MYOT: variants seen among roughly 807,000 people sequenced by gnomAD.
The protein encoded by MYOT is myotilin.
In MYOT, 36 loss-of-function variants were observed where a neutral mutation model predicts 58.0. That is an observed-to-expected ratio of 0.62 (90% CI 0.48 to 0.82). The LOEUF (loss-of-function observed/expected upper bound fraction) is 0.82, where lower values mean the gene tolerates loss of function less well. Among genes scored for constraint, MYOT ranks in the 40% least tolerant of loss-of-function variants. The pLI, the probability that MYOT is intolerant of heterozygous loss-of-function variation, is 0.00. For missense variants in MYOT, 505 were observed against 592.1 expected, an observed-to-expected ratio of 0.85 and a Z score of 1.53; for synonymous variants, 218 against 204.6, an observed-to-expected ratio of 1.07 and a Z score of -0.56.
chr5:137,881,131 T>C (rs1755416536), intron 5 of MYOT, among the ~76,000 whole-genome samples: 1 of 152,228 alleles, frequency 6.6e-6, no homozygotes, highest in African/African-American at 2.4e-5. Flanking sequence ...GACCTAATTC[T>C]TATTATACAA....
At position 137,883,336 on chromosome 5, in the gene MYOT, G is replaced by A. The variant is rs769061014; in HGVS notation, c.817-48G>A. On this transcript the variant is annotated intron_variant, in intron 6 of 9. Coordinates refer to ENST00000239926, the MANE Select transcript of MYOT (RefSeq NM_006790.3). ...CATATATGGACAAATAGGTTTCAGTGATGCAATACTTTAAAATTCTGCCAT... is the reference window on the plus strand; with the variant it reads ...CATATATGGACAAATAGGTTTCAGTAATGCAATACTTTAAAATTCTGCCAT... The A allele has an allele frequency of 2.0e-4, 300 of 1,472,298 alleles. 5 individuals are homozygous for A. In the South Asian group the frequency reaches 3.3e-3, roughly 16 times the overall value. The allele number at this position is 1,472,298 out of a possible 1,614,324, so 91.2% of individuals were successfully genotyped here.
chr5:137,884,025 T>C (rs1344961151), intron 7 of MYOT, among the ~76,000 whole-genome samples: 1 of 152,160 alleles, frequency 6.6e-6, no homozygotes, highest in Non-Finnish European at 1.5e-5. Flanking sequence ...ATTATCATAA[T>C]CTGTCAAACG....
In MYOT at chr5:137,887,218, C is replaced by G; in HGVS notation, c.1330C>G (p.Pro444Ala). 2 of 1,614,002 alleles carry G rather than the reference C, an allele frequency of 1.2e-6. No homozygotes were observed. Among genetic ancestry groups the G allele is most frequent in the Non-Finnish European group, 1.7e-6 (2 of 1,179,974 alleles). The change falls in exon 10 of 10, where the codon CCA becomes GCA. Residue 444 changes from proline (P) to alanine (A), a missense_variant. Coordinates refer to ENST00000239926, the MANE Select transcript of MYOT (RefSeq NM_006790.3). ...TTTTATGTGATCTATTTCAGCACGT[C>G]CAAACCAAACTCTTCCAGCTCCTAA... The part of the protein sequence containing the change: ...CNTRLDVTAR[P>A]NQTLPAPKQL...
At chr5:137,880,727 G>C in intron 4 of MYOT, 89 bp from the exon 5 acceptor site, 2 of 1,112,078 alleles carry the variant, frequency 1.8e-6, no homozygotes, top group Non-Finnish European at 2.7e-6. Context: ...GCCAAAATAG[G>C]AATGTTCCTT....
At position 137,870,794 on chromosome 5, in the gene MYOT, C is replaced by G; in HGVS notation, c.143C>G (p.Thr48Arg). The change falls in exon 2 of 10, where the codon ACA becomes AGA. Residue 48 changes from threonine (T) to arginine (R), a missense_variant. Coordinates refer to ENST00000239926, the MANE Select transcript of MYOT (RefSeq NM_006790.3). ...SSIIIQPRQC[T>R]EQRFSASSTL... is the part of the protein sequence containing the mutation. ...ATTATCATCCAGCCCCGCCAGTGTA[C>G]AGAGCAAAGATTTTCTGCCTCCTCA... 2 of 1,614,176 alleles carry G rather than the reference C, an allele frequency of 1.2e-6. No homozygotes were observed. The highest frequency in any genetic ancestry group is 2.2e-5 in the South Asian group (2 of 91,086).
At chr5:137,885,468 T>C (rs539566558) in intron 7 of MYOT, among the ~76,000 whole-genome samples, 2 of 152,200 alleles carry the variant, frequency 1.3e-5, no homozygotes, top group African/African-American at 4.8e-5. Context: ...GATGAGATGA[T>C]AAAGAATATA....
intron 7 of MYOT, among the ~76,000 whole-genome samples, chr5:137,885,687 C>T (rs1755573144): frequency 6.8e-6 from 1 of 146,402 alleles, no homozygotes; most frequent in African/African-American, 2.5e-5. Context: ...CAGGAGACTT[C>T]CTTGAACCTG....
chr5:137,885,079 G>A (rs538696484), intron 7 of MYOT, among the ~76,000 whole-genome samples: 1 of 152,204 alleles, frequency 6.6e-6, no homozygotes, highest in Non-Finnish European at 1.5e-5. Context: ...CAATAGTAGA[G>A]CTGAAAGAGA....
Position 137,881,991 on chromosome 5 carries a change from G to C in MYOT, c.702G>C (p.Arg234Ser). Reference sequence around the variant, plus strand: ...CTTGTAGAAGTAGATCAACCTCAAGGGGAGATGTGAATGATCAGGATGCAA... The same window carrying C: ...CTTGTAGAAGTAGATCAACCTCAAGCGGAGATGTGAATGATCAGGATGCAA... Reference protein sequence around the residue: ...TSQVRSRSTSRGDVNDQDAIQ... With the variant: ...TSQVRSRSTSSGDVNDQDAIQ... The change falls in exon 6 of 10, where the codon AGG becomes AGC. Residue 234 changes from arginine (R) to serine (S), a missense_variant. Arg to Ser is a moderately radical substitution (Grantham distance 110). Transcript: ENST00000239926. The C allele has an allele frequency of 3.1e-6, 5 of 1,614,004 alleles. No individual in the cohort carries two copies. The South Asian group carries it at 4.4e-5, about 14-fold the overall frequency.
chr5:137,871,062 C>A (rs1046568782), intron 2 of MYOT, 55 bp downstream of exon 2: 4 of 1,483,570 alleles, frequency 2.7e-6, no homozygotes, highest in Non-Finnish European at 3.7e-6. Flanking sequence ...GAGGAGTTTG[C>A]GAGGGGGTAG....
chr5:137,876,095 A>G (rs887339515), intron 3 of MYOT, 92 bp downstream of exon 3: 30 of 1,290,756 alleles, frequency 2.3e-5, no homozygotes, highest in East Asian at 1.9e-4. Context: ...CTAGGTCCAT[A>G]TATCAACAAG....
At chr5:137,882,675 A>AATCCCAGT (rs1755475041) in intron 6 of MYOT, 1 of 162,740 alleles carries the variant, frequency 6.1e-6, no homozygotes, top group Non-Finnish European at 1.3e-5. Flanking sequence ...CTGGGATTAC[A>AATCCCAGT]GGCGTGAGCC....
intron 1 of MYOT, 37 bp from the exon 2 acceptor site, chr5:137,870,404 A>C: frequency 1.7e-6 from 1 of 583,170 alleles, no homozygotes; most frequent in Non-Finnish European, 3.1e-6. Flanking sequence ...GTTATTGTTT[A>C]AGCAAATATT....
chr5:137,878,590 C>A (rs1002029155), intron 4 of MYOT, among the ~76,000 whole-genome samples: 23 of 151,714 alleles, frequency 1.5e-4, no homozygotes, highest in Non-Finnish European at 2.6e-4. Context: ...TTTGGGAGGC[C>A]GAGGTGGGTG....
rs150293853 is a variant in MYOT at position 137,877,521 on chromosome 5, G to A, written c.533G>A (p.Arg178His). 264 of 1,605,466 alleles carry A rather than the reference G, an allele frequency of 1.6e-4. 1 individual carries two copies. The Middle Eastern group carries it at 2.3e-3, about 14-fold the overall frequency. ...ACTGTCTCAATAAATTCTCTAAAGC[G>A]TCTAACATATGAAGAGAAGATGGCT... ...KDTLLHNGNQRLTYEEKMARR... is the reference protein window; with the variant it reads ...KDTLLHNGNQHLTYEEKMARR... Residue 178 changes from arginine (R) to histidine (H), a missense_variant and splice_region_variant, in exon 4 of 10, where the codon CGT becomes CAT. Coordinates refer to ENST00000239926, the MANE Select transcript of MYOT (RefSeq NM_006790.3).
At chr5:137,883,330 T>C in intron 6 of MYOT, 54 bp from the exon 7 acceptor site, 1 of 1,438,388 alleles carries the variant, frequency 7.0e-7, no homozygotes, top group Non-Finnish European at 9.8e-7. Flanking sequence ...ACAAATAGGT[T>C]TCAGTGATGC....
intron 3 of MYOT, 22 bp downstream of exon 3, chr5:137,876,025 T>C (rs747520889): frequency 2.5e-6 from 4 of 1,612,526 alleles, no homozygotes; most frequent in Middle Eastern, 1.7e-4. Context: ...GTCTATTTTG[T>C]ACAAAAGGCC....
In MYOT at chr5:137,887,336, T is replaced by C; in HGVS notation, c.1448T>C (p.Phe483Ser). The change falls in exon 10 of 10, where the codon TTT (phenylalanine) becomes TCT (serine). Residue 483 changes from phenylalanine (F) to serine (S), a missense_variant. Phe to Ser is a radical substitution (Grantham distance 155). Transcript: ENST00000239926. ...CAAGCTTTTAACCCAGAAGGAGAAT[T>C]TCAGCGTTTGGCAGCTCAATCTGGA... is the stretch of plus-strand genomic sequence containing the variant. ...VKQAFNPEGE[F>S]QRLAAQSGLY... The C allele has an allele frequency of 6.2e-7, 1 of 1,614,022 alleles. No individual in the cohort carries two copies. Among genetic ancestry groups the C allele is most frequent in the Non-Finnish European group, 8.5e-7 (1 of 1,179,952 alleles).
Position 137,886,210 on chromosome 5 carries a change from T to G in MYOT, c.1187T>G (p.Ile396Arg). 1 of 1,605,642 alleles carries G rather than the reference T, an allele frequency of 6.2e-7. No individual in the cohort carries two copies. Among genetic ancestry groups the G allele is most frequent in the South Asian group, 1.1e-5 (1 of 90,526 alleles). The change falls in exon 8 of 10, where the codon ATA becomes AGA. Residue 396 changes from isoleucine to arginine, a missense_variant. By Grantham distance (97) the Ile-to-Arg change is moderately conservative. Transcript: ENST00000239926. ...NEMVQFNTDR[I>R]SLYQDNTGRV... is the part of the protein sequence containing the mutation. ...ATGGTACAATTCAACACTGACCGAATAAGGTAGGATATGTATTTCTAGACT... is the reference window on the plus strand; with the variant it reads ...ATGGTACAATTCAACACTGACCGAAGAAGGTAGGATATGTATTTCTAGACT...
Sources: allele counts gnomAD v4.1 joint callset (sites outside exome capture counted in the v4.1 genomes callset), GRCh38; gene constraint gnomAD v4.1.1; transcripts MANE v1.5; gene names NCBI Gene and HGNC (gene_info 2026-07-23, HGNC 2026-07-21).